Variants in KHDRBS2 observed in about 807,000 individuals in gnomAD.
KHDRBS2 encodes KH RNA binding domain containing, signal transduction associated 2.
Under a neutral mutation model 44.3 loss-of-function variants are expected in KHDRBS2, and 26 were observed. That is an observed-to-expected ratio of 0.59 (90% CI 0.43 to 0.81). KHDRBS2 has a LOEUF of 0.81. KHDRBS2 is among the 40% of genes least tolerant of loss of function. The pLI is 0.00. For missense variants in KHDRBS2, 476 were observed against 433.1 expected (o/e 1.10, Z -0.88); for synonymous variants, 194 against 151.1 (o/e 1.28, Z -2.08).
intron 1 of KHDRBS2, among the ~76,000 whole-genome samples, chr6:62,256,818 C>T (rs1189285927): frequency 1.3e-5 from 2 of 152,046 alleles, no homozygotes; most frequent in African/African-American, 2.4e-5. Context: ...GGAACAGAAA[C>T]TCTTGGATCC....
At chr6:61,604,380 G>A in the KHDRBS2 span, among the ~76,000 whole-genome samples, 1 of 152,160 alleles carries the variant, frequency 6.6e-6, no homozygotes, top group Non-Finnish European at 1.5e-5. Flanking sequence ...CCTCATGGCA[G>A]TTTTTCTCCT....
intron 6 of KHDRBS2, among the ~76,000 whole-genome samples, chr6:61,881,867 A>G (rs1269439659): frequency 6.6e-6 from 1 of 152,048 alleles, no homozygotes; most frequent in Non-Finnish European, 1.5e-5. Context: ...CTGGGGCACC[A>G]GTTACTATTT....
chr6:62,008,608 T>C (rs937063359), intron 3 of KHDRBS2, among the ~76,000 whole-genome samples: 20 of 152,278 alleles, frequency 1.3e-4, no homozygotes, highest in Non-Finnish European at 2.2e-4. Flanking sequence ...TGGCTCTGTG[T>C]CCCCATGCAC....
intron 4 of KHDRBS2, among the ~76,000 whole-genome samples, chr6:61,934,748 T>C (rs1003575458): frequency 1.3e-5 from 2 of 152,104 alleles, no homozygotes; most frequent in African/African-American, 4.8e-5. Context: ...GAATCCCAAA[T>C]TGGGGTAACA....
intron 6 of KHDRBS2, among the ~76,000 whole-genome samples, chr6:61,878,942 A>G (rs1328680266): frequency 2.0e-5 from 3 of 151,984 alleles, no homozygotes; most frequent in African/African-American, 7.2e-5. Flanking sequence ...TAACTCCTCA[A>G]TTATATTAGT....
chr6:61,659,630 T>C, the KHDRBS2 span, among the ~76,000 whole-genome samples: 2 of 151,846 alleles, frequency 1.3e-5, no homozygotes, highest in Non-Finnish European at 2.9e-5. Flanking sequence ...TTCACTTCGG[T>C]GTTCTTTTCT....
At chr6:61,616,562 A>C in the KHDRBS2 span, among the ~76,000 whole-genome samples, 1 of 145,704 alleles carries the variant, frequency 6.9e-6, no homozygotes, top group African/African-American at 2.5e-5. Context: ...GTAGATGATC[A>C]AGTGATTTAA....
At chr6:61,553,685 T>G in the KHDRBS2 span, among the ~76,000 whole-genome samples, 2 of 152,108 alleles carry the variant, frequency 1.3e-5, no homozygotes, top group Non-Finnish European at 2.9e-5. Flanking sequence ...TGTCCCAGAT[T>G]CTGGTATGTT....
chr6:61,887,799 A>G (rs1408720677), intron 6 of KHDRBS2, among the ~76,000 whole-genome samples: 1 of 152,194 alleles, frequency 6.6e-6, no homozygotes, highest in East Asian at 1.9e-4. Context: ...TTATTGAAAC[A>G]CTTAAACTTT....
At chr6:61,820,119 C>T (rs1269811795) in intron 6 of KHDRBS2, among the ~76,000 whole-genome samples, 1 of 151,962 alleles carries the variant, frequency 6.6e-6, no homozygotes, top group Non-Finnish European at 1.5e-5. Flanking sequence ...TTGTCTGAGC[C>T]AGAAAGAAAG....
At chr6:61,766,244 G>GT (rs1554196581) in intron 6 of KHDRBS2, among the ~76,000 whole-genome samples, 1 of 151,562 alleles carries the variant, frequency 6.6e-6, no homozygotes, top group Non-Finnish European at 1.5e-5. Flanking sequence ...TTTCTTCTAG[G>GT]TTTTTCAATT....
intron 4 of KHDRBS2, among the ~76,000 whole-genome samples, chr6:61,970,991 T>C (rs766176339): frequency 1.1e-4 from 17 of 152,096 alleles, no homozygotes; most frequent in Non-Finnish European, 2.4e-4. Flanking sequence ...ATGCCTAAAT[T>C]GAGACTCTTC....
At chr6:61,654,341 T>C in the KHDRBS2 span, among the ~76,000 whole-genome samples, 3 of 151,924 alleles carry the variant, frequency 2.0e-5, no homozygotes, top group Admixed American at 6.6e-5. Context: ...CTCAGGAATA[T>C]AGTGCAGACT....
At chr6:62,195,187 A>G (rs571591563) in intron 1 of KHDRBS2, among the ~76,000 whole-genome samples, 31 of 152,272 alleles carry the variant, frequency 2.0e-4, no homozygotes, top group African/African-American at 5.8e-4. Context: ...CTTTGATGCT[A>G]TTGTAAATGG....
intron 6 of KHDRBS2, among the ~76,000 whole-genome samples, chr6:61,745,420 T>C (rs1424798425): frequency 2.0e-5 from 3 of 152,126 alleles, no homozygotes; most frequent in Non-Finnish European, 1.5e-5. Flanking sequence ...AACTGGAGTT[T>C]AGAGTAATGA....
Position 61,806,228 on chromosome 6 carries a change from AGAT to A in KHDRBS2, c.811-73467_811-73465del, listed in dbSNP as rs534337444. Among the ~76,000 whole-genome samples the A allele has an allele frequency of 1.2e-3, 188 of 152,306 alleles. 1 individual carries two copies. The highest frequency in any genetic ancestry group is 4.3e-3 in the African/African-American group (179 of 41,570). On this transcript the variant is annotated intron_variant, in intron 6 of 8. Transcript: ENST00000281156. ...GAAAGTTTCAAGTCTAGATCATAAA[AGAT>A]GATACAGCCTTCACCTGATTCTCTG...
chr6:62,170,935 A>G (rs1305261162), intron 2 of KHDRBS2, among the ~76,000 whole-genome samples: 2 of 144,578 alleles, frequency 1.4e-5, no homozygotes, highest in Admixed American at 1.4e-4. Flanking sequence ...TGCCAAGGGC[A>G]TCAAAGAAGA....
chr6:61,977,267 A>G (rs1056584478), intron 4 of KHDRBS2, among the ~76,000 whole-genome samples: 2 of 152,054 alleles, frequency 1.3e-5, no homozygotes, highest in African/African-American at 4.8e-5. Context: ...AGAAAACTGT[A>G]CTCAGCATTC....
chr6:61,715,444 T>C (rs9362276), intron 7 of KHDRBS2, among the ~76,000 whole-genome samples: 54,488 of 151,764 alleles, frequency 0.36, 10,496 homozygotes, highest in East Asian at 0.49. Context: ...CCCAACACTT[T>C]CAAATATCTG....
Sources: gnomAD v4.1 joint callset for allele counts (sites outside exome capture counted in the v4.1 genomes callset) on GRCh38, gnomAD v4.1.1 for gene constraint, MANE v1.5 for transcripts, NCBI Gene and HGNC (gene_info 2026-07-23, HGNC 2026-07-21) for gene names.